The following TXNL1 variants were observed in gnomAD, a reference collection of about 807,000 sequenced individuals.
The protein encoded by TXNL1 is thioredoxin like 1.
In TXNL1, 14 loss-of-function variants were observed where a neutral mutation model predicts 35.5. The observed-to-expected ratio is 0.39, with a 90% CI of 0.26 to 0.62. The LOEUF is 0.62. TXNL1 is among the 20% of genes least tolerant of loss of function. The pLI is 0.47. For missense variants in TXNL1, 263 were observed against 349.7 expected, an observed-to-expected ratio of 0.75 and a Z score of 1.98; for synonymous variants, 110 against 115.5, an observed-to-expected ratio of 0.95 and a Z score of 0.31.
intron 1 of TXNL1, 106 bp downstream of exon 1, chr18:56,638,237 C>T: frequency 1.6e-6 from 2 of 1,215,142 alleles, no homozygotes; most frequent in Non-Finnish European, 1.1e-6. Flanking sequence ...CGGCGACTGC[C>T]GGACACTCCG....
intron 3 of TXNL1, among the ~76,000 whole-genome samples, chr18:56,621,175 A>G (rs2024176674): frequency 6.6e-6 from 1 of 150,836 alleles, no homozygotes; most frequent in Non-Finnish European, 1.5e-5. Flanking sequence ...GTTTTTATTT[A>G]TTGTGGGGCA....
In TXNL1 at chr18:56,638,587, C is replaced by T. The variant is rs977751667; in HGVS notation, c.-147G>A. ...GACCGCCGAGTCTTCTCCCGGGACTCTCAGTGCCGAGTCACGCCAGGGAGC... is the reference window on the plus strand; with the variant it reads ...GACCGCCGAGTCTTCTCCCGGGACTTTCAGTGCCGAGTCACGCCAGGGAGC... On this transcript the variant is annotated 5_prime_UTR_variant, in exon 1 of 8. Coordinates refer to ENST00000217515, the MANE Select transcript of TXNL1 (RefSeq NM_004786.3). The T allele has an allele frequency of 2.7e-6, 2 of 741,574 alleles. No homozygotes were observed. The highest frequency in any genetic ancestry group is 4.1e-6 in the Non-Finnish European group (2 of 485,750). The allele number at this position is 741,574 out of a possible 1,614,324, so 45.9% of individuals were successfully genotyped here.
intron 3 of TXNL1, among the ~76,000 whole-genome samples, chr18:56,618,329 T>TA (rs1220730339): frequency 2.0e-5 from 3 of 152,238 alleles, no homozygotes; most frequent in Non-Finnish European, 4.4e-5. Flanking sequence ...AGGCTTAGCC[T>TA]ACTTGATAAG....
chr18:56,599,599 T>G lies in TXNL1; in HGVS notation c.*3428A>C, dbSNP rs1363756308. On this transcript the variant is annotated 3_prime_UTR_variant, in exon 8 of 8. Coordinates refer to ENST00000217515, the MANE Select transcript of TXNL1 (RefSeq NM_004786.3). The stretch of plus-strand genomic sequence containing the variant: ...TTCTTTTGAGACAGTCTCACTCTGT[T>G]GCCCGGGCTAGTGTGCAGTCATGCG... 1.4e-4 allele frequency: 22 copies of G among 151,946 alleles called. No homozygotes were observed. Among genetic ancestry groups the G allele is most frequent in the African/African-American group, 5.3e-4 (22 of 41,354 alleles). The allele number at this position is 151,946 out of a possible 1,614,324, so 9.4% of individuals were successfully genotyped here.
In TXNL1 at chr18:56,600,248, T is replaced by C. The variant is rs2023794511; in HGVS notation, c.*2779A>G. ...AAACACTGCATACATCCTCAAACAT[T>C]GAGACAAAGGATGGCAGACAGGTTT... On this transcript the variant is annotated 3_prime_UTR_variant, in exon 8 of 8. Transcript: ENST00000217515. 3 of 152,218 alleles carry C rather than the reference T, an allele frequency of 2.0e-5. No homozygotes were observed. Among genetic ancestry groups the C allele is most frequent in the Admixed American group, 1.3e-4 (2 of 15,270 alleles). 9.4% of individuals were successfully genotyped at this position (152,218 alleles called of 1,614,324 possible).
chr18:56,616,941 T>TTCCAG (rs2024097740), intron 4 of TXNL1, among the ~76,000 whole-genome samples: 1 of 152,196 alleles, frequency 6.6e-6, no homozygotes, highest in Non-Finnish European at 1.5e-5. Flanking sequence ...TCAATCTTCT[T>TTCCAG]TCCAGCCAAA....
In TXNL1 at chr18:56,600,993, G is replaced by C. The variant is rs949763892; in HGVS notation, c.*2034C>G. 2.6e-5 allele frequency: 4 copies of C among 152,120 alleles called. No homozygotes were observed. The highest frequency in any genetic ancestry group is 9.7e-5 in the African/African-American group (4 of 41,440). 9.4% of individuals were successfully genotyped at this position (152,120 alleles called of 1,614,324 possible). ...TGTCCGACAAAATGAACAAGAAACT[G>C]AATACCAGTTTTCTAGATGCACTAA... On this transcript the variant is annotated 3_prime_UTR_variant, in exon 8 of 8. Coordinates refer to ENST00000217515, the MANE Select transcript of TXNL1 (RefSeq NM_004786.3).
intron 7 of TXNL1, chr18:56,609,071 C>A (rs1414785306): frequency 6.6e-6 from 1 of 151,512 alleles, no homozygotes; most frequent in East Asian, 1.9e-4. Flanking sequence ...TCATTATTTA[C>A]AAATATTTTT....
chr18:56,632,402 T>C (rs2024386487), intron 1 of TXNL1, among the ~76,000 whole-genome samples: 2 of 152,198 alleles, frequency 1.3e-5, no homozygotes, highest in Admixed American at 6.5e-5. Flanking sequence ...ATAAAACAGC[T>C]AGCATTCATT....
At chr18:56,616,180 T>G in intron 5 of TXNL1, 65 bp downstream of exon 5, 2 of 1,444,676 alleles carry the variant, frequency 1.4e-6, no homozygotes, top group Non-Finnish European at 1.9e-6. Flanking sequence ...ATAAAAAGTT[T>G]TAATTTTATG....
chr18:56,636,099 G>A (rs2024450678), intron 1 of TXNL1, among the ~76,000 whole-genome samples: 1 of 151,966 alleles, frequency 6.6e-6, no homozygotes, highest in African/African-American at 2.4e-5. Flanking sequence ...TCTTACAAAT[G>A]GCTAAATGGT....
chr18:56,633,783 A>T (rs541258291), intron 1 of TXNL1, among the ~76,000 whole-genome samples: 2 of 152,010 alleles, frequency 1.3e-5, no homozygotes, highest in South Asian at 4.2e-4. Context: ...CAGGAGTTCG[A>T]GACCAGCCTG....
rs757603195 is a variant in TXNL1, at chr18:56,610,975, T to C, written c.840+18A>G. The C allele has an allele frequency of 1.2e-5, 17 of 1,471,058 alleles. No homozygotes were observed. The highest frequency in any genetic ancestry group is 3.5e-4 in the Middle Eastern group (2 of 5,776). The allele number at this position is 1,471,058 out of a possible 1,614,324, so 91.1% of individuals were successfully genotyped here. A position where few individuals can be genotyped will look rare whatever the true frequency, so the allele number is the denominator to read the frequency against. On this transcript the variant is annotated intron_variant, in intron 7 of 7. Transcript: ENST00000217515. ...ATTATATTTTTACTATCCCGAAGTA[T>C]CATTTAAGCAAACTTACTCGTTTGA...
intron 7 of TXNL1, 58 bp downstream of exon 7, chr18:56,610,935 A>C: frequency 8.8e-7 from 1 of 1,139,726 alleles, no homozygotes; most frequent in Admixed American, 2.6e-5. Context: ...AGATACATGA[A>C]ATTATTCCAT....
chr18:56,611,616 T>G (rs1256688157), intron 6 of TXNL1, among the ~76,000 whole-genome samples: 1 of 152,162 alleles, frequency 6.6e-6, no homozygotes, highest in Non-Finnish European at 1.5e-5. Context: ...TCTCCAGAGA[T>G]GTCATGGCAA....
chr18:56,624,776 T>C (rs925697488), intron 2 of TXNL1, among the ~76,000 whole-genome samples: 1 of 152,112 alleles, frequency 6.6e-6, no homozygotes, highest in Non-Finnish European at 1.5e-5. Context: ...TCTTTCATAA[T>C]TACAGGTATT....
intron 2 of TXNL1, 112 bp from the exon 3 acceptor site, chr18:56,624,573 A>G (rs2024244764): frequency 3.3e-6 from 4 of 1,225,982 alleles, no homozygotes; most frequent in Non-Finnish European, 4.5e-6. Context: ...AAAACATGTA[A>G]AATACTGCAT....
chr18:56,617,079 A>G (rs1170339221), intron 4 of TXNL1, among the ~76,000 whole-genome samples: 1 of 152,196 alleles, frequency 6.6e-6, no homozygotes, highest in African/African-American at 2.4e-5. Flanking sequence ...CATTTACAAG[A>G]AACACAATGT....
At chr18:56,611,785 C>A (rs1442940735) in intron 6 of TXNL1, among the ~76,000 whole-genome samples, 1 of 150,582 alleles carries the variant, frequency 6.6e-6, no homozygotes, top group Non-Finnish European at 1.5e-5. Context: ...CCTCCGCCTC[C>A]CAGGTTCAAA....
Sources: gnomAD v4.1 joint callset for allele counts (sites outside exome capture counted in the v4.1 genomes callset) on GRCh38, gnomAD v4.1.1 for gene constraint, MANE v1.5 for transcripts, NCBI Gene and HGNC (gene_info 2026-07-23, HGNC 2026-07-21) for gene names.